The following EIF4B variants were observed in gnomAD, a reference collection of about 807,000 sequenced individuals.
EIF4B encodes the protein eukaryotic translation initiation factor 4B.
Under a neutral mutation model 79.3 loss-of-function variants are expected in EIF4B, and 8 were observed. That is an observed-to-expected ratio of 0.10 (90% CI 0.06 to 0.18). EIF4B has a LOEUF of 0.18. Among genes scored for constraint, EIF4B ranks in the 10% least tolerant of loss-of-function variants. The pLI, the probability that EIF4B is intolerant of heterozygous loss-of-function variation, is 1.00. For missense variants in EIF4B, 515 were observed against 792.4 expected (o/e 0.65, Z 4.20); for synonymous variants, 238 against 274.7 (o/e 0.87, Z 1.32).
At chr12:53,016,450 C>T (rs1207716152) in intron 1 of EIF4B, 23 bp from the exon 2 acceptor site, 1 of 1,611,658 alleles carries the variant, frequency 6.2e-7, no homozygotes, top group Non-Finnish European at 8.5e-7. Flanking sequence ...GGTGAATAAT[C>T]TTTCTCTTGC....
chr12:53,018,003 G>C (rs1174068316), intron 2 of EIF4B, among the ~76,000 whole-genome samples: 1 of 152,104 alleles, frequency 6.6e-6, no homozygotes, highest in Admixed American at 6.6e-5. Context: ...TTGTTTGTTT[G>C]TTTTCAGATG....
chr12:53,034,842 G>T, intron 10 of EIF4B, 133 bp downstream of exon 10: 1 of 877,662 alleles, frequency 1.1e-6, no homozygotes, highest in Non-Finnish European at 1.8e-6. Context: ...GCCGATTGGA[G>T]TTTCATATCT....
At chr12:53,016,399 T>G in intron 1 of EIF4B, 74 bp from the exon 2 acceptor site, 1 of 1,573,626 alleles carries the variant, frequency 6.4e-7, no homozygotes, top group Non-Finnish European at 8.6e-7. Context: ...AATAATGTTT[T>G]ACAATATTGC....
chr12:53,020,929 C>T (rs536218035), intron 4 of EIF4B, among the ~76,000 whole-genome samples: 1 of 152,068 alleles, frequency 6.6e-6, no homozygotes, highest in Non-Finnish European at 1.5e-5. Flanking sequence ...GAATACCATG[C>T]AATTGTTAAC....
intron 14 of EIF4B, 74 bp from the exon 15 acceptor site, chr12:53,040,069 C>T (rs1457589143): frequency 5.8e-6 from 9 of 1,538,734 alleles, no homozygotes; most frequent in Non-Finnish European, 8.1e-6. Context: ...GCCAAAGGAT[C>T]AGTATCCTGT....
intron 8 of EIF4B, among the ~76,000 whole-genome samples, chr12:53,031,902 T>C (rs1403775540): frequency 1.3e-5 from 2 of 152,206 alleles, no homozygotes; most frequent in Non-Finnish European, 2.9e-5. Context: ...AGCCAGGTGA[T>C]TGTATACATA....
chr12:53,017,444 G>C (rs1943166859), intron 2 of EIF4B, among the ~76,000 whole-genome samples: 1 of 152,128 alleles, frequency 6.6e-6, no homozygotes, highest in African/African-American at 2.4e-5. Context: ...GACAAGTTCT[G>C]TGCCTTCAGG....
chr12:53,035,673 C>T (rs931592708), intron 10 of EIF4B, among the ~76,000 whole-genome samples: 3 of 151,188 alleles, frequency 2.0e-5, no homozygotes, highest in African/African-American at 7.3e-5. Flanking sequence ...CAGCCTACAC[C>T]CAGCTAAAAT....
chr12:53,006,560 C>T, intron 1 of EIF4B, 64 bp downstream of exon 1: 1 of 1,611,582 alleles, frequency 6.2e-7, no homozygotes, highest in South Asian at 1.1e-5. Flanking sequence ...GCGTGATCCA[C>T]TGATTTCCTG....
intron 1 of EIF4B, among the ~76,000 whole-genome samples, chr12:53,007,470 G>T (rs1942988760): frequency 7.8e-6 from 1 of 127,878 alleles, no homozygotes; most frequent in African/African-American, 3.2e-5. Flanking sequence ...GCAACTACCA[G>T]CAGGTACTTT....
intron 1 of EIF4B, among the ~76,000 whole-genome samples, chr12:53,007,324 A>T (rs1942983016): frequency 6.7e-6 from 1 of 148,616 alleles, no homozygotes; most frequent in African/African-American, 2.5e-5. Context: ...AATTGGAGGC[A>T]TTTTTTACTC....
chr12:53,016,084 C>T (rs980880815), intron 1 of EIF4B, among the ~76,000 whole-genome samples: 2 of 151,800 alleles, frequency 1.3e-5, no homozygotes, highest in South Asian at 2.1e-4. Context: ...ATGTGAGATA[C>T]GAATTTTTAT....
Position 53,028,019 on chromosome 12 carries a change from T to C in EIF4B, c.810T>C (p.Tyr270=). The stretch of plus-strand genomic sequence containing the variant: ...TAATTTGGGATATATTTACAGGCTA[T>C]GATTCCCGGATAGGCAGTGGCAGAA... ...DRGSRDYDRG[Y]DSRIGSGRRA... is the part of the protein sequence containing the mutation. The change falls in exon 8 of 15, where the codon TAT becomes TAC. Residue 270 remains tyrosine (Y), a synonymous_variant. Coordinates refer to ENST00000262056, the MANE Select transcript of EIF4B (RefSeq NM_001417.7). 1 of 1,611,150 alleles carries C rather than the reference T, an allele frequency of 6.2e-7. No individual in the cohort carries two copies. The highest frequency in any genetic ancestry group is 8.5e-7 in the Non-Finnish European group (1 of 1,178,162).
intron 8 of EIF4B, among the ~76,000 whole-genome samples, chr12:53,032,682 T>C (rs1448158137): frequency 2.6e-5 from 4 of 151,544 alleles, no homozygotes; most frequent in African/African-American, 9.7e-5. Context: ...TTTTTTTTTT[T>C]TTGAGATGGA....
intron 6 of EIF4B, among the ~76,000 whole-genome samples, chr12:53,025,618 A>C (rs1412673462): frequency 6.6e-6 from 1 of 152,194 alleles, no homozygotes; most frequent in Non-Finnish European, 1.5e-5. Flanking sequence ...CAGAAATTAA[A>C]ACCACATTTC....
intron 8 of EIF4B, among the ~76,000 whole-genome samples, chr12:53,032,677 T>TA: frequency 6.6e-6 from 1 of 151,530 alleles, no homozygotes; most frequent in East Asian, 1.9e-4. Flanking sequence ...TTGTTTTTTT[T>TA]TTTTTTTGAG....
intron 9 of EIF4B, among the ~76,000 whole-genome samples, chr12:53,034,243 A>C (rs1175502129): frequency 6.6e-6 from 1 of 152,234 alleles, no homozygotes; most frequent in Non-Finnish European, 1.5e-5. Context: ...TGTCCATTAC[A>C]AAAGTGTTTA....
rs763730146 is a variant in EIF4B, at chr12:53,019,009, A to C, written c.360+3A>C. 6 of 1,613,290 alleles carry C rather than the reference A, an allele frequency of 3.7e-6. No individual in the cohort carries two copies. In the East Asian group the frequency reaches 1.3e-4, roughly 36 times the overall value. On this transcript the variant is annotated splice_donor_region_variant and intron_variant, in intron 3 of 14. Transcript: ENST00000262056. ...AGGAATTCTTTCGAGGATTAAATGT[A>C]AGTGTAAAAGTTGTAATAATTAACT...
chr12:53,025,342 A>T, intron 6 of EIF4B: 1 of 438,498 alleles, frequency 2.3e-6, no homozygotes, highest in Non-Finnish European at 4.5e-6. Context: ...AGAATGGATA[A>T]CGAGTGAGTG....
Sources: gnomAD v4.1 joint callset for allele counts (sites outside exome capture counted in the v4.1 genomes callset) on GRCh38, gnomAD v4.1.1 for gene constraint, MANE v1.5 for transcripts, NCBI Gene and HGNC (gene_info 2026-07-23, HGNC 2026-07-21) for gene names.